KDM3B: variants seen among roughly 807,000 people sequenced by gnomAD.
KDM3B encodes lysine demethylase 3B, also known as lysine-specific demethylase 3B.
A neutral mutation model predicts 170.0 loss-of-function variants in KDM3B; 10 were observed. The observed-to-expected ratio is 0.06, with a 90% CI of 0.04 to 0.10. KDM3B has a LOEUF of 0.10. KDM3B is among the 10% of genes least tolerant of loss of function. The pLI, the probability that KDM3B is intolerant of heterozygous loss-of-function variation, is 1.00. For missense variants in KDM3B, 1,394 were observed against 2,195.2 expected, an observed-to-expected ratio of 0.64 and a Z score of 7.29; for synonymous variants, 831 against 834.8, an observed-to-expected ratio of 1.00 and a Z score of 0.08.
chr5:138,403,801 TA>T (rs1762749243), intron 11 of KDM3B, among the ~76,000 whole-genome samples: 1 of 146,322 alleles, frequency 6.8e-6, no homozygotes, highest in Non-Finnish European at 1.5e-5. Context: ...AATTCCAGCC[TA>T]GGCAATATAG....
In KDM3B at chr5:138,436,900, A is replaced by G. The variant is rs922599548; in HGVS notation, c.*1200A>G. ...GCAGGCTGTTTATATGTTCACAGTT[A>G]CTTTTTTTTTTTTTTTTAAATAAAA... On this transcript the variant is annotated 3_prime_UTR_variant, in exon 24 of 24. Coordinates refer to ENST00000314358, the MANE Select transcript of KDM3B (RefSeq NM_016604.4). 1 of 99,086 alleles carries G rather than the reference A, an allele frequency of 1.0e-5. No homozygotes were observed. The highest frequency in any genetic ancestry group is 2.2e-5 in the Non-Finnish European group (1 of 46,102). 6.1% of individuals were successfully genotyped at this position (99,086 alleles called of 1,614,324 possible). A position where few individuals can be genotyped will look rare whatever the true frequency, so the allele number is the denominator to read the frequency against.
chr5:138,357,345 T>C (rs1490511900), intron 1 of KDM3B, among the ~76,000 whole-genome samples: 3 of 151,528 alleles, frequency 2.0e-5, no homozygotes, highest in African/African-American at 7.3e-5. Flanking sequence ...CTTGAACCTA[T>C]ATAAATATAC....
chr5:138,376,423 G>A (rs1762000008), intron 3 of KDM3B, among the ~76,000 whole-genome samples: 1 of 151,988 alleles, frequency 6.6e-6, no homozygotes, highest in Middle Eastern at 3.4e-3. Context: ...AGGTGGCTTC[G>A]GCCAGGCGCG....
At position 138,420,586 on chromosome 5, in the gene KDM3B, G is replaced by C. The variant is rs536837385; in HGVS notation, c.3716-120G>C. On this transcript the variant is annotated intron_variant, in intron 14 of 23. Coordinates refer to ENST00000314358, the MANE Select transcript of KDM3B (RefSeq NM_016604.4). ...ACCCAAACAAACCATACACAGTTTG[G>C]GGGGTGCAAGGGAAAGGAGAGAATC... 958 of 1,074,648 alleles carry C rather than the reference G, an allele frequency of 8.9e-4. 3 individuals carry two copies. Among genetic ancestry groups the C allele is most frequent in the East Asian group, 3.9e-3 (163 of 42,262 alleles). 66.6% of individuals were successfully genotyped at this position (1,074,648 alleles called of 1,614,324 possible).
intron 4 of KDM3B, 77 bp downstream of exon 4, chr5:138,377,902 A>G: frequency 2.0e-6 from 2 of 1,016,958 alleles, no homozygotes; most frequent in South Asian, 1.4e-5. Context: ...ATGGAATCCC[A>G]TGCAACCTTA....
At chr5:138,407,792 A>C (rs1482704529) in intron 11 of KDM3B, among the ~76,000 whole-genome samples, 2 of 152,076 alleles carry the variant, frequency 1.3e-5, no homozygotes, top group Non-Finnish European at 2.9e-5. Flanking sequence ...TGTTCCCCAC[A>C]CAACACCTCT....
chr5:138,377,884 G>GT, intron 4 of KDM3B, 59 bp downstream of exon 4: 1 of 1,270,048 alleles, frequency 7.9e-7, no homozygotes, highest in African/African-American at 1.5e-5. Flanking sequence ...TCACTGTTGA[G>GT]TGATAGTATG....
At chr5:138,375,363 T>C (rs562886443) in intron 3 of KDM3B, among the ~76,000 whole-genome samples, 157 bp downstream of exon 3, 4 of 151,936 alleles carry the variant, frequency 2.6e-5, no homozygotes, top group South Asian at 4.1e-4. Flanking sequence ...TTTTTTATTT[T>C]ATTTTATTTT....
chr5:138,412,126 A>G (rs1762985658), intron 11 of KDM3B, among the ~76,000 whole-genome samples: 2 of 150,164 alleles, frequency 1.3e-5, no homozygotes, highest in South Asian at 4.3e-4. Flanking sequence ...ACCTGAGGTC[A>G]GGAGTTCGAG....
At position 138,436,731 on chromosome 5, in the gene KDM3B, TTTTG is replaced by T. The variant is rs1763682732; in HGVS notation, c.*1035_*1038del. 1 of 152,208 alleles carries T rather than the reference TTTTG, an allele frequency of 6.6e-6. No individual in the cohort carries two copies. The highest frequency in any genetic ancestry group is 1.5e-5 in the Non-Finnish European group (1 of 68,040). The allele number at this position is 152,208 out of a possible 1,614,324, so 9.4% of individuals were successfully genotyped here. A position where few individuals can be genotyped will look rare whatever the true frequency, so the allele number is the denominator to read the frequency against. On this transcript the variant is annotated 3_prime_UTR_variant, in exon 24 of 24. Transcript: ENST00000314358. Reference sequence around the variant, plus strand: ...GACAGTTGATTTCCAACATGAGGTTTTTTGTTTTTTATCCAGAAATATTTTCAGC... The same window carrying T: ...GACAGTTGATTTCCAACATGAGGTTTTTTTTTATCCAGAAATATTTTCAGC...
At chr5:138,413,940 T>A (rs1763039034) in intron 11 of KDM3B, among the ~76,000 whole-genome samples, 1 of 152,120 alleles carries the variant, frequency 6.6e-6, no homozygotes. Context: ...TTATTTATAA[T>A]AGCCAAAAAT....
intron 4 of KDM3B, 139 bp from the exon 5 acceptor site, chr5:138,379,445 T>C: frequency 1.6e-6 from 1 of 631,104 alleles, no homozygotes; most frequent in Non-Finnish European, 2.5e-6. Context: ...AAATCTGGAA[T>C]TGCTCATTTG....
At chr5:138,416,182 T>A (rs1459206424) in intron 12 of KDM3B, among the ~76,000 whole-genome samples, 1 of 152,222 alleles carries the variant, frequency 6.6e-6, no homozygotes, top group Non-Finnish European at 1.5e-5. Context: ...CCAGTTTACT[T>A]CAGTGATTCT....
intron 1 of KDM3B, among the ~76,000 whole-genome samples, chr5:138,360,141 C>G (rs1761559297): frequency 6.6e-6 from 1 of 152,080 alleles, no homozygotes; most frequent in African/African-American, 2.4e-5. Context: ...TTCCAGTGTA[C>G]AATTCGCTAC....
At chr5:138,376,934 G>A (rs893509543) in intron 3 of KDM3B, among the ~76,000 whole-genome samples, 1 of 152,184 alleles carries the variant, frequency 6.6e-6, no homozygotes, top group Non-Finnish European at 1.5e-5. Flanking sequence ...TTTTTCACTT[G>A]TAAGGGTTGC....
chr5:138,364,098 A>G (rs550893226), intron 1 of KDM3B, among the ~76,000 whole-genome samples: 142 of 151,620 alleles, frequency 9.4e-4, no homozygotes, highest in Admixed American at 1.6e-3. Context: ...TTGTATTTTT[A>G]GTAAAGATGG....
At chr5:138,422,522 C>G (rs771159660) in intron 15 of KDM3B, among the ~76,000 whole-genome samples, 2 of 152,112 alleles carry the variant, frequency 1.3e-5, no homozygotes, top group Non-Finnish European at 2.9e-5. Context: ...TGCTTATAAT[C>G]CCAGCTACTC....
intron 11 of KDM3B, among the ~76,000 whole-genome samples, chr5:138,406,930 C>CT (rs1762837778): frequency 6.7e-6 from 1 of 148,360 alleles, no homozygotes; most frequent in East Asian, 2.0e-4. Context: ...CAATGCAGAT[C>CT]TTTTAGACAT....
rs753970447 is a variant in KDM3B at position 138,391,175 on chromosome 5, G to A, written c.1543G>A (p.Ala515Thr). 10 of 1,614,110 alleles carry A rather than the reference G, an allele frequency of 6.2e-6. No homozygotes were observed. In the Admixed American group the frequency reaches 1.2e-4, roughly 19 times the overall value. The change falls in exon 8 of 24, where the codon GCA becomes ACA. Residue 515 changes from alanine (A) to threonine (T), a missense_variant. Ala to Thr is a moderately conservative substitution (Grantham distance 58). This residue lies in a region of KDM3B where 294 missense variants were observed against 311.7 expected (regional missense o/e 0.94). Coordinates refer to ENST00000314358, the MANE Select transcript of KDM3B (RefSeq NM_016604.4). This position sits in a 1 kb window ranked among gnomAD's most constrained non-coding sequence, Gnocchi z 5.0. ...FSFGCSSAQE[A>T]QKDTDLSKNL... is the part of the protein sequence containing the mutation. ...TTTTGGCTGTAGCTCTGCACAAGAGGCACAGAAAGACACTGATCTCTCCAA... is the reference window on the plus strand; with the variant it reads ...TTTTGGCTGTAGCTCTGCACAAGAGACACAGAAAGACACTGATCTCTCCAA...
Sources: allele counts gnomAD v4.1 joint callset (sites outside exome capture counted in the v4.1 genomes callset), GRCh38; gene constraint gnomAD v4.1.1; regional missense constraint gnomAD v4.1.1; non-coding constraint Gnocchi (gnomAD v3.1); transcripts MANE v1.5; gene names NCBI Gene and HGNC (gene_info 2026-07-23, HGNC 2026-07-21).